RBM4: variants seen among roughly 807,000 people sequenced by gnomAD.
RBM4 encodes RNA binding motif protein 4.
In RBM4, 7 loss-of-function variants were observed where a neutral mutation model predicts 29.5. The observed-to-expected ratio is 0.24, with a 90% CI of 0.14 to 0.45. RBM4 has a LOEUF of 0.45. RBM4 is among the 20% of genes least tolerant of loss of function. RBM4 has a pLI of 1.00. For missense variants in RBM4, 387 were observed against 502.3 expected (o/e 0.77, Z 2.19); for synonymous variants, 220 against 205.4 (o/e 1.07, Z -0.61).
intron 2 of RBM4, among the ~76,000 whole-genome samples, chr11:66,642,612 C>A (rs903906773): frequency 6.6e-6 from 1 of 152,194 alleles, no homozygotes; most frequent in African/African-American, 2.4e-5. Context: ...TTAAACTGAG[C>A]AGTTTGGTCC....
downstream of RBM4, among the ~76,000 whole-genome samples, chr11:66,650,805 G>A (rs1265345282): frequency 2.6e-5 from 4 of 152,192 alleles, no homozygotes; most frequent in Non-Finnish European, 5.9e-5. Flanking sequence ...GGAGCTTGCA[G>A]TGAGCTGAGA....
Position 66,643,749 on chromosome 11 carries a change from G to C in RBM4, c.712G>C (p.Ala238Pro). 1 of 1,613,904 alleles carries C rather than the reference G, an allele frequency of 6.2e-7. No homozygotes were observed. The highest frequency in any genetic ancestry group is 8.5e-7 in the Non-Finnish European group (1 of 1,179,980). The change falls in exon 3 of 4, where the codon GCT (alanine) becomes CCT (proline). Residue 238 changes from alanine (A) to proline (P), a missense_variant. This residue lies in a region of RBM4 where 281 missense variants were observed against 288.7 expected (regional missense o/e 0.97). Coordinates refer to ENST00000310092, the MANE Select transcript of RBM4 (RefSeq NM_002896.4). This position sits in a 1 kb window ranked among gnomAD's most constrained non-coding sequence, Gnocchi z 6.1. ...ARSYEAVAAA[A>P]ASVYNYAEQT... ...GTCCTATGAGGCAGTGGCAGCTGCA[G>C]CTGCCTCCGTGTATAATTACGCAGA...
In RBM4 at chr11:66,646,358, G is replaced by T; in HGVS notation, c.*340G>T. The T allele has an allele frequency of 8.2e-7, 1 of 1,226,644 alleles. No homozygotes were observed. The highest frequency in any genetic ancestry group is 1.0e-6 in the Non-Finnish European group (1 of 976,004). 76.0% of individuals were successfully genotyped at this position (1,226,644 alleles called of 1,614,324 possible). A position where few individuals can be genotyped will look rare whatever the true frequency, so the allele number is the denominator to read the frequency against. On this transcript the variant is annotated 3_prime_UTR_variant, in exon 4 of 4. Coordinates refer to ENST00000310092, the MANE Select transcript of RBM4 (RefSeq NM_002896.4). ...TCCTGCGGCTGTTGGATTTGGGAATGACCTTGGTGAGAGTCTCACTGCTCC... is the reference window on the plus strand; with the variant it reads ...TCCTGCGGCTGTTGGATTTGGGAATTACCTTGGTGAGAGTCTCACTGCTCC...
exon 3 of RBM4, chr11:66,666,264 T>G (rs1270377905): frequency 1.4e-5 from 16 of 1,126,006 alleles, no homozygotes; most frequent in Non-Finnish European, 1.8e-5. Flanking sequence ...AAAAAAAAGT[T>G]AACTCACACC....
downstream of RBM4, chr11:66,649,652 A>G: frequency 1.5e-6 from 1 of 659,550 alleles, no homozygotes; most frequent in Non-Finnish European, 2.7e-6. Context: ...TGGAAGCCAC[A>G]TAGTTGGCTC....
At position 66,644,246 on chromosome 11, in the gene RBM4, G is replaced by A. The variant is rs561269986; in HGVS notation, c.*8+106G>A. On this transcript the variant is annotated intron_variant, in intron 3 of 3. Transcript: ENST00000310092. ...TGCTTGCTTGCTTTTGCAGGGTTAGGGGAAGGTTACTAGGATGGCTCACAG... is the reference window on the plus strand; with the variant it reads ...TGCTTGCTTGCTTTTGCAGGGTTAGAGGAAGGTTACTAGGATGGCTCACAG... 66 of 1,447,350 alleles carry A rather than the reference G, an allele frequency of 4.6e-5. No homozygotes were observed. In the South Asian group the frequency reaches 8.7e-4, roughly 19 times the overall value. 89.7% of individuals were successfully genotyped at this position (1,447,350 alleles called of 1,614,324 possible).
exon 3 of RBM4, chr11:66,667,999 CTGCCTT>C (rs1939309971): frequency 6.6e-6 from 1 of 152,654 alleles, no homozygotes; most frequent in Admixed American, 6.5e-5. Context: ...GCCACTGCCT[CTGCCTT>C]CAGGTAGCAA....
chr11:66,655,364 A>C (rs1365943208), intron 2 of RBM4, among the ~76,000 whole-genome samples: 5 of 150,722 alleles, frequency 3.3e-5, no homozygotes, highest in Non-Finnish European at 7.4e-5. Flanking sequence ...ATCTTGGCTC[A>C]CTGCAACCTC....
chr11:66,647,575 GT>G (rs1318903569), downstream of RBM4, among the ~76,000 whole-genome samples: 1 of 151,950 alleles, frequency 6.6e-6, no homozygotes, highest in Non-Finnish European at 1.5e-5. Flanking sequence ...CCTAACTTTG[GT>G]TTCTTTTTCT....
intron 2 of RBM4, among the ~76,000 whole-genome samples, chr11:66,661,959 G>A (rs1421335466): frequency 6.6e-6 from 1 of 152,162 alleles, no homozygotes; most frequent in East Asian, 1.9e-4. Context: ...GAACCTGGGA[G>A]GCAGAGGTTG....
chr11:66,655,019 CT>C (rs1400625322), intron 2 of RBM4, among the ~76,000 whole-genome samples: 1 of 150,720 alleles, frequency 6.6e-6, no homozygotes, highest in Non-Finnish European at 1.5e-5. Flanking sequence ...GAGTTTTGCT[CT>C]TGTTGCCCAG....
chr11:66,665,991 A>G, exon 3 of RBM4: 2 of 1,473,168 alleles, frequency 1.4e-6, no homozygotes, highest in Non-Finnish European at 1.8e-6. Context: ...GAATTGCACT[A>G]TTCTAAATGT....
exon 3 of RBM4, chr11:66,667,978 T>TA: frequency 6.5e-6 from 1 of 152,804 alleles, no homozygotes; most frequent in African/African-American, 2.4e-5. Flanking sequence ...GTGTTAGGAT[T>TA]ACAGGAGTGA....
intron 2 of RBM4, among the ~76,000 whole-genome samples, chr11:66,653,266 C>T (rs550578333): frequency 2.7e-4 from 41 of 152,172 alleles, no homozygotes; most frequent in African/African-American, 9.9e-4. Flanking sequence ...GCCCCTGAGA[C>T]AGCCAGACCA....
chr11:66,640,600 G>C (rs573673), intron 2 of RBM4: 12,741 of 205,450 alleles, frequency 0.062, 520 homozygotes, highest in East Asian at 0.12. Flanking sequence ...CTCTTTAAAG[G>C]GTTACAGCTC....
chr11:66,663,702 A>G (rs199681360), intron 2 of RBM4, among the ~76,000 whole-genome samples: 3,455 of 148,510 alleles, frequency 0.023, 63 homozygotes, highest in African/African-American at 0.047. Flanking sequence ...GTGTGTGTAT[A>G]TGTGTGTGTG....
chr11:66,640,900 C>T (rs936605947), intron 2 of RBM4: 2 of 152,184 alleles, frequency 1.3e-5, no homozygotes, highest in African/African-American at 4.8e-5. Flanking sequence ...CTCAAATCCC[C>T]AGCATTTTGA....
chr11:66,646,127 GTCCCTC>G lies in RBM4; in HGVS notation c.*110_*115del. On this transcript the variant is annotated 3_prime_UTR_variant, in exon 4 of 4. Transcript: ENST00000310092. ...GGACGTTCTCGGCTCTGTGCGTTCA[GTCCCTC>G]AGGAACCGTGGACCTTAATTTACCT... The G allele has an allele frequency of 6.5e-7, 1 of 1,534,304 alleles. No homozygotes were observed. Among genetic ancestry groups the G allele is most frequent in the Non-Finnish European group, 8.7e-7 (1 of 1,146,464 alleles).
intron 2 of RBM4, among the ~76,000 whole-genome samples, chr11:66,655,128 G>T (rs1157578736): frequency 4.6e-5 from 7 of 152,034 alleles, no homozygotes; most frequent in Admixed American, 1.3e-4. Context: ...TGGGATTACA[G>T]GCATGCACCA....
Sources: allele counts gnomAD v4.1 joint callset (sites outside exome capture counted in the v4.1 genomes callset), GRCh38; gene constraint gnomAD v4.1.1; regional missense constraint gnomAD v4.1.1; non-coding constraint Gnocchi (gnomAD v3.1); transcripts MANE v1.5; gene names NCBI Gene and HGNC (gene_info 2026-07-23, HGNC 2026-07-21).